DLG2: variants seen among roughly 807,000 people sequenced by gnomAD.
DLG2 encodes disks large homolog 2.
A neutral mutation model predicts 132.5 loss-of-function variants in DLG2; 45 were observed. The observed-to-expected ratio is 0.34, with a 90% confidence interval of 0.27 to 0.44. The LOEUF is 0.44. Ranked by LOEUF, DLG2 falls within the 20% of genes least tolerant of loss-of-function variation. The pLI is 1.00. For synonymous variants in DLG2, 424 were observed against 419.6 expected, an observed-to-expected ratio of 1.01 and a Z score of -0.13; for missense variants, 1,045 against 1,196.9, an observed-to-expected ratio of 0.87 and a Z score of 1.87.
At chr11:83,474,527 G>T (rs981556425) in intron 22 of DLG2, among the ~76,000 whole-genome samples, 3 of 152,118 alleles carry the variant, frequency 2.0e-5, no homozygotes, top group Admixed American at 1.3e-4. Flanking sequence ...TGCAAGGGAA[G>T]AATTCTGACC....
chr11:83,846,860 TAAAC>T (rs1315198626), intron 16 of DLG2, among the ~76,000 whole-genome samples: 1 of 132,344 alleles, frequency 7.6e-6, no homozygotes, highest in African/African-American at 2.9e-5. Flanking sequence ...CTCAAGAAAA[TAAAC>T]AAAGAACCAA....
At chr11:83,648,338 G>A (rs2068896816) in intron 18 of DLG2, among the ~76,000 whole-genome samples, 1 of 152,156 alleles carries the variant, frequency 6.6e-6, no homozygotes, top group Non-Finnish European at 1.5e-5. Flanking sequence ...AGGTGTAGGG[G>A]TAAAGGAAGG....
At chr11:84,393,237 T>C (rs1453174159) in intron 7 of DLG2, among the ~76,000 whole-genome samples, 1 of 152,154 alleles carries the variant, frequency 6.6e-6, no homozygotes, top group African/African-American at 2.4e-5. Context: ...AAAACTTGTA[T>C]AGCAAAGATG....
At chr11:84,766,309 G>A (rs1014730222) in intron 6 of DLG2, among the ~76,000 whole-genome samples, 1 of 151,994 alleles carries the variant, frequency 6.6e-6, no homozygotes, top group South Asian at 2.1e-4. Context: ...TAGATGAGGT[G>A]TCATAACACT....
chr11:83,593,395 C>G (rs1341320376), intron 19 of DLG2, among the ~76,000 whole-genome samples: 1 of 151,034 alleles, frequency 6.6e-6, no homozygotes, highest in Non-Finnish European at 1.5e-5. Context: ...ATCGCAAGAA[C>G]AAAAAACCAA....
At chr11:84,134,634 C>T (rs996501417) in intron 9 of DLG2, among the ~76,000 whole-genome samples, 1 of 151,864 alleles carries the variant, frequency 6.6e-6, no homozygotes, top group African/African-American at 2.4e-5. Context: ...CTCTCCTTCC[C>T]AGATAAAAAT....
At chr11:84,965,743 G>A (rs774432419) in intron 6 of DLG2, among the ~76,000 whole-genome samples, 15 of 151,962 alleles carry the variant, frequency 9.9e-5, no homozygotes, top group Non-Finnish European at 1.5e-4. Context: ...GCTACTAAAG[G>A]TAAGGAAAAT....
chr11:84,545,590 T>C (rs1474560701), intron 6 of DLG2: 3 of 364,212 alleles, frequency 8.2e-6, no homozygotes. Flanking sequence ...AACTTCACAG[T>C]TGTGGCCATT....
At chr11:84,659,757 C>T (rs2099692467) in intron 6 of DLG2, among the ~76,000 whole-genome samples, 1 of 152,116 alleles carries the variant, frequency 6.6e-6, no homozygotes. Context: ...TTTCTGATAT[C>T]AATTGCAAGT....
chr11:85,529,516 G>A (rs895298260), intron 3 of DLG2, among the ~76,000 whole-genome samples: 2 of 151,946 alleles, frequency 1.3e-5, no homozygotes, highest in African/African-American at 4.8e-5. Context: ...ATAGAAAAAT[G>A]TTCCCTTTTA....
At chr11:83,987,019 A>G (rs1342316338) in intron 11 of DLG2, among the ~76,000 whole-genome samples, 2 of 151,766 alleles carry the variant, frequency 1.3e-5, no homozygotes, top group African/African-American at 2.4e-5. Context: ...TTGCCTGTTC[A>G]CTCTGATGGT....
At chr11:84,732,138 G>T (rs1260382354) in intron 6 of DLG2, among the ~76,000 whole-genome samples, 1 of 151,952 alleles carries the variant, frequency 6.6e-6, no homozygotes. Context: ...TTATTGCCAA[G>T]TAATATTACA....
At chr11:83,999,341 T>C (rs1013097710) in intron 11 of DLG2, among the ~76,000 whole-genome samples, 3 of 152,156 alleles carry the variant, frequency 2.0e-5, no homozygotes, top group African/African-American at 7.2e-5. Flanking sequence ...CCTACCTGCA[T>C]GTACCACCTG....
intron 11 of DLG2, among the ~76,000 whole-genome samples, chr11:84,039,136 A>C (rs554970142): frequency 2.1e-4 from 32 of 152,116 alleles, no homozygotes; most frequent in Non-Finnish European, 2.4e-4. Flanking sequence ...ATTTCAGTAC[A>C]TTCATTTTAT....
intron 3 of DLG2, among the ~76,000 whole-genome samples, chr11:85,320,726 G>T (rs559262436): frequency 3.3e-5 from 5 of 151,828 alleles, no homozygotes; most frequent in African/African-American, 1.2e-4. Context: ...AATTATCTAG[G>T]GATAAAGTAC....
intron 18 of DLG2, among the ~76,000 whole-genome samples, chr11:83,760,557 T>C (rs2093858773): frequency 6.6e-6 from 1 of 152,068 alleles, no homozygotes; most frequent in African/African-American, 2.4e-5. Flanking sequence ...GGTTTCACCA[T>C]GTTGACCAGG....
At chr11:85,351,726 T>C (rs1375108882) in intron 3 of DLG2, among the ~76,000 whole-genome samples, 2 of 152,356 alleles carry the variant, frequency 1.3e-5, no homozygotes, top group South Asian at 4.1e-4. Context: ...GATTTGTGCA[T>C]GTTGAACCAG....
chr11:85,384,610 C>G (rs901013926), intron 3 of DLG2, among the ~76,000 whole-genome samples: 2 of 152,000 alleles, frequency 1.3e-5, no homozygotes, highest in Non-Finnish European at 2.9e-5. Context: ...ACTCTGTTTC[C>G]CACGCTGGAG....
At chr11:84,845,732 G>T (rs2081382268) in intron 6 of DLG2, among the ~76,000 whole-genome samples, 1 of 149,272 alleles carries the variant, frequency 6.7e-6, no homozygotes, top group Admixed American at 6.7e-5. Context: ...CCAGTCTGGA[G>T]TGCAGTGGCC....
Sources: gnomAD v4.1 joint callset for allele counts (sites outside exome capture counted in the v4.1 genomes callset) on GRCh38, gnomAD v4.1.1 for gene constraint, MANE v1.5 for transcripts, NCBI Gene and HGNC (gene_info 2026-07-23, HGNC 2026-07-21) for gene names.